Variants in KRT86 observed in about 807,000 individuals in gnomAD.
KRT86 encodes the protein keratin 86, also known as keratin, type II cuticular Hb6.
In KRT86, 30 loss-of-function variants were observed where a neutral mutation model predicts 41.2. That is an observed-to-expected ratio of 0.73 (90% CI 0.54 to 0.99). The LOEUF (loss-of-function observed/expected upper bound fraction) is 0.99. Among genes scored for constraint, KRT86 ranks in the 50% least tolerant of loss-of-function variants. KRT86 has a pLI of 0.00. For missense variants in KRT86, 561 were observed against 571.4 expected (o/e 0.98, Z 0.19); for synonymous variants, 238 against 238.1 (o/e 1.00, Z 0.00).
chr12:52,292,332 AG>A (rs1243521000), intron 2 of KRT86, among the ~76,000 whole-genome samples: 1 of 152,368 alleles, frequency 6.6e-6, no homozygotes, highest in East Asian at 1.9e-4. Flanking sequence ...TTTCTTATTC[AG>A]GAAAATTAAC....
Position 52,308,957 on chromosome 12 carries a change from T to G in KRT86, c.*372T>G. 1 of 292,618 alleles carries G rather than the reference T, an allele frequency of 3.4e-6. No homozygotes were observed. The highest frequency in any genetic ancestry group is 6.5e-6 in the Non-Finnish European group (1 of 154,614). The allele number at this position is 292,618 out of a possible 1,614,324, so 18.1% of individuals were successfully genotyped here. ...TCCCTGTCTGCACGACCTGGGACTC[T>G]GCCCATGTGCTTTTGCCTGTGGAAT... is the stretch of plus-strand genomic sequence containing the variant. On this transcript the variant is annotated 3_prime_UTR_variant, in exon 11 of 11. Transcript: ENST00000423955.
intron 2 of KRT86, among the ~76,000 whole-genome samples, chr12:52,294,987 C>T (rs1938217005): frequency 6.6e-6 from 1 of 152,116 alleles, no homozygotes; most frequent in Non-Finnish European, 1.5e-5. Flanking sequence ...CATGGCTATA[C>T]CACAGTTTAT....
chr12:52,274,703 A>ACCACAGTT lies in KRT86; in HGVS notation c.-148_-141dup. On this transcript the variant is annotated 5_prime_UTR_variant, in exon 1 of 11. Transcript: ENST00000423955. ...GGTGCTCAAGAGAGGCTTGGAGGAGACCACAGTTCTTTCTCCATGGTGAGA... is the reference window on the plus strand; with the variant it reads ...GGTGCTCAAGAGAGGCTTGGAGGAGACCACAGTTCCACAGTTCTTTCTCCATGGTGAGA... 1 of 985,360 alleles carries ACCACAGTT rather than the reference A, an allele frequency of 1.0e-6. No individual in the cohort carries two copies. The highest frequency in any genetic ancestry group is 4.7e-5 in the South Asian group (1 of 21,282). 61.0% of individuals were successfully genotyped at this position (985,360 alleles called of 1,614,324 possible).
At chr12:52,274,772 G>A in intron 1 of KRT86, 50 bp downstream of exon 1, 1 of 981,368 alleles carries the variant, frequency 1.0e-6, no homozygotes, top group Non-Finnish European at 1.2e-6. Flanking sequence ...GAGGTGTCTT[G>A]GACTTCACCC....
rs1938468383 is a variant in KRT86, at chr12:52,304,928, C to T, written c.640-4C>T. 1 of 1,614,062 alleles carries T rather than the reference C, an allele frequency of 6.2e-7. No individual in the cohort carries two copies. The highest frequency in any genetic ancestry group is 1.3e-5 in the African/African-American group (1 of 75,012). On this transcript the variant is annotated splice_region_variant and splice_polypyrimidine_tract_variant and intron_variant, in intron 5 of 10. Transcript: ENST00000423955. ...TTGAGCTCCAACACTCCCCACCTTT[C>T]CAGGATGTGGACTGCGCCTACCTCC...
intron 2 of KRT86, among the ~76,000 whole-genome samples, chr12:52,293,800 A>G (rs1442502284): frequency 6.6e-6 from 1 of 152,194 alleles, no homozygotes; most frequent in African/African-American, 2.4e-5. Context: ...CGTAAAGTAC[A>G]GAGGTTTGCA....
intron 2 of KRT86, among the ~76,000 whole-genome samples, chr12:52,297,971 C>A (rs1202268342): frequency 1.3e-5 from 2 of 152,166 alleles, no homozygotes; most frequent in Admixed American, 6.5e-5. Context: ...TAGGATCAGG[C>A]AAAAATAAAG....
At chr12:52,286,327 G>A (rs750148762) in intron 2 of KRT86, 5 of 1,554,870 alleles carry the variant, frequency 3.2e-6, no homozygotes, top group Non-Finnish European at 4.4e-6. Flanking sequence ...CCACGCCGCA[G>A]GAACCCCCTC....
intron 2 of KRT86, chr12:52,288,438 G>A (rs770752705): frequency 6.2e-7 from 1 of 1,614,152 alleles, no homozygotes; most frequent in South Asian, 1.1e-5. Context: ...GACTTGCGGA[G>A]GTAGGCGCAG....
chr12:52,287,673 G>A lies in KRT86; in HGVS notation c.-5+11727G>A, dbSNP rs758771600. ...AGCTCATTGATCTCCTCCTTGGTGC[G>A]GCGCAGGGTCTCCCCGTGCCTGATC... On this transcript the variant is annotated intron_variant, in intron 2 of 10. Coordinates refer to ENST00000423955, the MANE Select transcript of KRT86 (RefSeq NM_001320198.2). 20 of 1,613,748 alleles carry A rather than the reference G, an allele frequency of 1.2e-5. No individual in the cohort carries two copies. Among genetic ancestry groups the A allele is most frequent in the Admixed American group, 5.0e-5 (3 of 59,990 alleles).
chr12:52,279,496 C>A (rs1321550496), intron 2 of KRT86, among the ~76,000 whole-genome samples: 1 of 152,200 alleles, frequency 6.6e-6, no homozygotes, highest in Non-Finnish European at 1.5e-5. Context: ...CTGTTCCCAC[C>A]CCTTCTTTCC....
chr12:52,279,981 A>C (rs771732614), intron 2 of KRT86, among the ~76,000 whole-genome samples: 29 of 152,188 alleles, frequency 1.9e-4, no homozygotes, highest in Non-Finnish European at 3.8e-4. Context: ...ACCGAGCAGA[A>C]ACAGAAAAGG....
At chr12:52,288,071 C>A (rs752222246) in intron 2 of KRT86, 35 of 1,614,198 alleles carry the variant, frequency 2.2e-5, no homozygotes, top group Non-Finnish European at 2.9e-5. Flanking sequence ...TGATGCAGTC[C>A]ATGTTCAGGT....
rs138190669 is a variant in KRT86, at chr12:52,287,373, A to G, written c.-5+11427A>G. 0.015 allele frequency: 24,003 copies of G among 1,606,316 alleles called. 231 individuals are homozygous for G. The highest frequency in any genetic ancestry group is 0.018 in the Non-Finnish European group (21,493 of 1,176,080). On this transcript the variant is annotated intron_variant, in intron 2 of 10. Coordinates refer to ENST00000423955, the MANE Select transcript of KRT86 (RefSeq NM_001320198.2). ...AGATTAGAGTCCCTGGGTCTCTCTGATGCTCATCCAAATGAGACCACACTC... is the reference window on the plus strand; with the variant it reads ...AGATTAGAGTCCCTGGGTCTCTCTGGTGCTCATCCAAATGAGACCACACTC...
chr12:52,291,544 G>C (rs1198678536), intron 2 of KRT86: 1 of 1,579,048 alleles, frequency 6.3e-7, no homozygotes, highest in Non-Finnish European at 8.6e-7. Flanking sequence ...GTGCTCCTCA[G>C]GGCACCGCAG....
chr12:52,304,475 A>G (rs561473970), intron 5 of KRT86, among the ~76,000 whole-genome samples: 34 of 150,302 alleles, frequency 2.3e-4, no homozygotes, highest in Admixed American at 7.3e-4. Context: ...AGCAGATACA[A>G]TGTCTCTGCT....
intron 2 of KRT86, among the ~76,000 whole-genome samples, chr12:52,301,419 C>A (rs1938372533): frequency 6.6e-6 from 1 of 151,974 alleles, no homozygotes; most frequent in Admixed American, 6.5e-5. Flanking sequence ...CAAGCGCCCC[C>A]CAAGTTCCAC....
intron 4 of KRT86, 115 bp downstream of exon 4, chr12:52,303,423 G>C: frequency 4.6e-6 from 1 of 219,662 alleles, no homozygotes; most frequent in South Asian, 3.8e-5. Context: ...TAGATTGACC[G>C]AGGGTGGCGG....
intron 2 of KRT86, among the ~76,000 whole-genome samples, chr12:52,294,895 C>T (rs536091867): frequency 1.3e-5 from 2 of 152,286 alleles, no homozygotes; most frequent in East Asian, 1.9e-4. Flanking sequence ...TTGCATGGAT[C>T]CTTGTGCATC....
Sources: allele counts gnomAD v4.1 joint callset (sites outside exome capture counted in the v4.1 genomes callset), GRCh38; gene constraint gnomAD v4.1.1; transcripts MANE v1.5; gene names NCBI Gene and HGNC (gene_info 2026-07-23, HGNC 2026-07-21).